Variants in C1orf185 observed in about 807,000 individuals in gnomAD.
C1orf185 encodes the protein uncharacterized protein C1orf185.
Under a neutral mutation model 16.1 loss-of-function variants are expected in C1orf185, and 13 were observed. The observed-to-expected ratio is 0.81, with a 90% CI of 0.53 to 1.28. The LOEUF is 1.28. Among genes scored for constraint, C1orf185 ranks in the 50% most tolerant of loss-of-function variants. The pLI is 0.00. For missense variants in C1orf185, 220 were observed against 225.2 expected, an observed-to-expected ratio of 0.98 and a Z score of 0.15; for synonymous variants, 80 against 76.9, an observed-to-expected ratio of 1.04 and a Z score of -0.21.
At chr1:51,130,347 C>CT (rs1210363661) in intron 3 of C1orf185, among the ~76,000 whole-genome samples, 3 of 146,218 alleles carry the variant, frequency 2.1e-5, no homozygotes, top group African/African-American at 8.1e-5. Context: ...CAGTTTCTTT[C>CT]TTTCTTTTTT....
intron 1 of C1orf185, among the ~76,000 whole-genome samples, chr1:51,106,621 C>A (rs1557641645): frequency 6.6e-6 from 1 of 152,032 alleles, no homozygotes; most frequent in African/African-American, 2.4e-5. Flanking sequence ...TGCATTCCAG[C>A]CTGGGCAACA....
At chr1:51,109,477 A>G (rs1646099674) in intron 1 of C1orf185, among the ~76,000 whole-genome samples, 1 of 151,104 alleles carries the variant, frequency 6.6e-6, no homozygotes, top group Admixed American at 6.7e-5. Flanking sequence ...TTATTCATAA[A>G]ATCTTTTCTC....
intron 1 of C1orf185, among the ~76,000 whole-genome samples, chr1:51,112,135 G>GA (rs530464592): frequency 2.1e-3 from 299 of 141,784 alleles, no homozygotes; most frequent in African/African-American, 6.3e-3. Flanking sequence ...TACGGGAGGG[G>GA]AAAAAAAAAA....
At chr1:51,118,174 C>T (rs563116423) in intron 2 of C1orf185, among the ~76,000 whole-genome samples, 1 of 152,372 alleles carries the variant, frequency 6.6e-6, no homozygotes, top group South Asian at 2.1e-4. Context: ...CCCGCCTTGA[C>T]CTCCCAAAGT....
chr1:51,105,122 T>G (rs1646059772), intron 1 of C1orf185, among the ~76,000 whole-genome samples: 1 of 152,084 alleles, frequency 6.6e-6, no homozygotes, highest in African/African-American at 2.4e-5. Context: ...GACGTCTGGC[T>G]AGTTTTTTGT....
At chr1:51,133,037 G>T (rs1448882157) in intron 3 of C1orf185, among the ~76,000 whole-genome samples, 7 of 152,150 alleles carry the variant, frequency 4.6e-5, no homozygotes, top group African/African-American at 1.7e-4. Flanking sequence ...CACCAGATCT[G>T]CCTTACAAGA....
intron 1 of C1orf185, among the ~76,000 whole-genome samples, chr1:51,106,289 G>C (rs1646071665): frequency 6.6e-6 from 1 of 151,954 alleles, no homozygotes; most frequent in Admixed American, 6.6e-5. Context: ...AGTGAAAATT[G>C]TACCTATAAG....
intron 1 of C1orf185, among the ~76,000 whole-genome samples, chr1:51,110,961 CAAAACAAAAACA>C (rs1047404203): frequency 6.6e-6 from 1 of 151,712 alleles, no homozygotes; most frequent in Admixed American, 6.6e-5. Context: ...AGAGCTCACT[CAAAACAAAAACA>C]AAAACAAAAA....
In C1orf185 at chr1:51,103,171, C is replaced by T. The variant is rs190859512; in HGVS notation, c.16+922C>T. ...TTGAAATCTCAGCACTTTGAGAGGC[C>T]GAGGTGGGAGGATCCCTTGAGGCCA... On this transcript the variant is annotated intron_variant, in intron 1 of 4. Transcript: ENST00000371759. Among the ~76,000 whole-genome samples, 6 of 151,754 alleles carry T rather than the reference C, an allele frequency of 4.0e-5. No homozygotes were observed. In the East Asian group the frequency reaches 9.7e-4, roughly 25 times the overall value.
intron 2 of C1orf185, among the ~76,000 whole-genome samples, chr1:51,115,087 G>A (rs2148013531): frequency 6.6e-6 from 1 of 152,270 alleles, no homozygotes; most frequent in Non-Finnish European, 1.5e-5. Context: ...GCTGACGTCT[G>A]TAATCCCAAC....
intron 1 of C1orf185, among the ~76,000 whole-genome samples, chr1:51,108,003 T>C (rs1439660032): frequency 2.0e-5 from 3 of 152,264 alleles, no homozygotes; most frequent in Non-Finnish European, 4.4e-5. Context: ...AGTTGGGTAT[T>C]TGTCTAAGAC....
intron 3 of C1orf185, among the ~76,000 whole-genome samples, chr1:51,134,744 A>G (rs1219149399): frequency 6.6e-6 from 1 of 152,190 alleles, no homozygotes; most frequent in African/African-American, 2.4e-5. Flanking sequence ...TAAACTAGAA[A>G]ATCTAAAAGA....
At chr1:51,111,554 CAG>C (rs1420595437) in intron 1 of C1orf185, among the ~76,000 whole-genome samples, 2 of 151,084 alleles carry the variant, frequency 1.3e-5, no homozygotes, top group East Asian at 3.9e-4. Context: ...TTTTTTGAGA[CAG>C]AGTCTCAGGC....
At position 51,121,769 on chromosome 1, in the gene C1orf185, CAGA is replaced by C. The variant is rs1355725632; in HGVS notation, c.258+2973_258+2975del. Among the ~76,000 whole-genome samples the C allele has an allele frequency of 7.2e-5, 11 of 152,092 alleles. No individual in the cohort carries two copies. In the South Asian group the frequency reaches 2.3e-3, roughly 32 times the overall value. ...TTTATTGTGAAATATGACATACATA[CAGA>C]AGAATACATATACACATACACATGA... On this transcript the variant is annotated intron_variant, in intron 3 of 4. Transcript: ENST00000371759.
chr1:51,108,890 G>C (rs925357525), intron 1 of C1orf185, among the ~76,000 whole-genome samples: 1 of 152,172 alleles, frequency 6.6e-6, no homozygotes, highest in African/African-American at 2.4e-5. Context: ...GGGTACAGAT[G>C]TCACTTTAGT....
intron 3 of C1orf185, among the ~76,000 whole-genome samples, chr1:51,127,619 C>A (rs573827114): frequency 3.5e-4 from 53 of 152,154 alleles, no homozygotes; most frequent in Admixed American, 3.2e-3. Context: ...TAGTTTTTAT[C>A]TGTTCCTAAA....
chr1:51,132,732 A>C (rs915265926), intron 3 of C1orf185, among the ~76,000 whole-genome samples: 3 of 152,126 alleles, frequency 2.0e-5, no homozygotes, highest in Non-Finnish European at 4.4e-5. Context: ...CTTCACAAGA[A>C]TATTATCCCC....
intron 3 of C1orf185, among the ~76,000 whole-genome samples, chr1:51,126,113 A>AT (rs1646238105): frequency 6.6e-6 from 1 of 152,212 alleles, no homozygotes; most frequent in South Asian, 2.1e-4. Flanking sequence ...TCTGGGTCAC[A>AT]TATCAGGCAT....
downstream of C1orf185, among the ~76,000 whole-genome samples, chr1:51,152,260 C>T (rs1426926663): frequency 2.6e-5 from 4 of 152,208 alleles, no homozygotes; most frequent in Non-Finnish European, 4.4e-5. Context: ...AAACCAGAAT[C>T]CACTGGCCTC....
Sources: gnomAD v4.1 joint callset for allele counts (sites outside exome capture counted in the v4.1 genomes callset) on GRCh38, gnomAD v4.1.1 for gene constraint, MANE v1.5 for transcripts, NCBI Gene and HGNC (gene_info 2026-07-23, HGNC 2026-07-21) for gene names.